Variants in TCF20 observed in about 807,000 individuals in gnomAD.
The protein encoded by TCF20 is transcription factor 20, also known as SPRE-binding protein.
A neutral mutation model predicts 148.6 loss-of-function variants in TCF20; 3 were observed. The observed-to-expected ratio is 0.02, with a 90% CI of 0.01 to 0.05. The LOEUF is 0.05. Among genes scored for constraint, TCF20 ranks in the 10% least tolerant of loss-of-function variants. The pLI is 1.00. For missense variants in TCF20, 2,350 were observed against 2,429.3 expected, an observed-to-expected ratio of 0.97 and a Z score of 0.69; for synonymous variants, 1,049 against 909.5, an observed-to-expected ratio of 1.15 and a Z score of -2.76.
rs550337393 is a variant in TCF20 at position 42,256,080 on chromosome 22, A to T, written c.-37+14259T>A. Among the ~76,000 whole-genome samples the T allele has an allele frequency of 6.6e-5, 10 of 152,170 alleles. No homozygotes were observed. The South Asian group carries it at 2.1e-3, about 32-fold the overall frequency. The stretch of plus-strand genomic sequence containing the variant: ...GTCTCTCTCTCTCGTCCATCCTTCA[A>T]GGTCTACCCAAATGCTCCCTCCTCT... On this transcript the variant is annotated intron_variant, in intron 1 of 5. Transcript: ENST00000677622.
chr22:42,286,054 C>T (rs1927025783), upstream of TCF20, among the ~76,000 whole-genome samples: 2 of 152,108 alleles, frequency 1.3e-5, no homozygotes, highest in African/African-American at 4.8e-5. Context: ...CCAACTCACT[C>T]ACTGGGTGAC....
intron 2 of TCF20, among the ~76,000 whole-genome samples, chr22:42,187,990 C>A (rs992292968): frequency 6.6e-6 from 1 of 152,010 alleles, no homozygotes; most frequent in Non-Finnish European, 1.5e-5. Flanking sequence ...GCCATTGTTG[C>A]TTTAAAAAAT....
intron 3 of TCF20, among the ~76,000 whole-genome samples, chr22:42,170,635 A>AG (rs1936077712): frequency 3.4e-5 from 2 of 59,088 alleles, no homozygotes; most frequent in Non-Finnish European, 9.6e-5. Context: ...TCAAAAAAAA[A>AG]AAAAAAAAAA....
chr22:42,285,117 C>G (rs1024271077), upstream of TCF20, among the ~76,000 whole-genome samples: 2 of 152,242 alleles, frequency 1.3e-5, no homozygotes, highest in Non-Finnish European at 2.9e-5. This position sits in a 1 kb window ranked among gnomAD's most constrained non-coding sequence, Gnocchi z 4.2. Context: ...CCCAGGGCCC[C>G]TCCAGGCCCT....
intron 2 of TCF20, among the ~76,000 whole-genome samples, chr22:42,185,416 G>A (rs923178216): frequency 1.3e-5 from 2 of 152,212 alleles, no homozygotes; most frequent in Admixed American, 6.5e-5. Context: ...ACAAACTTGA[G>A]AGCCTGAAGA....
At chr22:42,227,569 C>A (rs1923027470) in intron 1 of TCF20, among the ~76,000 whole-genome samples, 1 of 152,296 alleles carries the variant, frequency 6.6e-6, no homozygotes, top group African/African-American at 2.4e-5. Context: ...AATCCATAGA[C>A]CCCATTTGAA....
chr22:42,237,876 T>C (rs1924022507), intron 1 of TCF20, among the ~76,000 whole-genome samples: 1 of 152,222 alleles, frequency 6.6e-6, no homozygotes, highest in South Asian at 2.1e-4. Context: ...TAAACAGATG[T>C]GCTGTCATCT....
intron 1 of TCF20, among the ~76,000 whole-genome samples, chr22:42,225,265 C>T (rs187329447): frequency 7.2e-5 from 11 of 151,942 alleles, no homozygotes; most frequent in Admixed American, 3.9e-4. Flanking sequence ...CAAAGTGCTG[C>T]GATTACAGGG....
At chr22:42,314,451 C>T (rs564748612) in intron 1 of TCF20, among the ~76,000 whole-genome samples, 36 of 152,358 alleles carry the variant, frequency 2.4e-4, no homozygotes, top group Non-Finnish European at 2.6e-4. Context: ...AGCTTGAATC[C>T]CAGGCATCGA....
At position 42,269,988 on chromosome 22, in the gene TCF20, C is replaced by T. The variant is rs182924762; in HGVS notation, c.-37+351G>A. 6.2e-4 allele frequency: 94 copies of T among 152,466 alleles called. No individual in the cohort carries two copies. In the Middle Eastern group the frequency reaches 0.014, roughly 22 times the overall value. The allele number at this position is 152,466 out of a possible 1,614,324, so 9.4% of individuals were successfully genotyped here. A position where few individuals can be genotyped will look rare whatever the true frequency, so the allele number is the denominator to read the frequency against. On this transcript the variant is annotated intron_variant, in intron 1 of 5. Transcript: ENST00000677622. ...ACTCCCGGACGCCGCCCGCTCACAC[C>T]CGCCGCCTTTGCACCCAAGGCCTCG...
At position 42,290,949 on chromosome 22, in the gene TCF20, G is replaced by C. The variant is rs1012133413; in HGVS notation, c.-37+52530C>G. Among the ~76,000 whole-genome samples the C allele has an allele frequency of 6.6e-6, 1 of 152,166 alleles. No individual in the cohort carries two copies. The highest frequency in any genetic ancestry group is 1.5e-5 in the Non-Finnish European group (1 of 68,030). Reference sequence around the variant, plus strand: ...GTACAACCTCAGTACAACCATGAGAGGCAGCTTGAAAATGCCCATTTACAA... The same window carrying C: ...GTACAACCTCAGTACAACCATGAGACGCAGCTTGAAAATGCCCATTTACAA... On this transcript the variant is annotated intron_variant, in intron 1 of 1. Coordinates refer to the TCF20 transcript ENST00000515426. The surrounding 1 kb of genome is among the most constrained non-coding windows in gnomAD (Gnocchi z 4.2).
intron 1 of TCF20, among the ~76,000 whole-genome samples, chr22:42,269,375 C>A (rs538316436): frequency 6.6e-6 from 1 of 152,282 alleles, no homozygotes; most frequent in East Asian, 1.9e-4. Context: ...GGATTGAATA[C>A]AGACCAGCAG....
At chr22:42,282,245 G>A (rs1926917720) in intron 1 of TCF20, among the ~76,000 whole-genome samples, 1 of 152,182 alleles carries the variant, frequency 6.6e-6, no homozygotes. Flanking sequence ...CTGAGCTACG[G>A]CCTGGCCCTG....
chr22:42,294,496 G>C (rs990546205), intron 1 of TCF20, among the ~76,000 whole-genome samples: 1 of 152,210 alleles, frequency 6.6e-6, no homozygotes, highest in East Asian at 1.9e-4. Flanking sequence ...CTGGCAGGCA[G>C]TGCTCCCAGG....
intron 2 of TCF20, among the ~76,000 whole-genome samples, chr22:42,195,500 CTTT>C (rs897311922): frequency 1.1e-3 from 156 of 141,668 alleles, no homozygotes; most frequent in African/African-American, 3.6e-3. Flanking sequence ...ATATTACATA[CTTT>C]TTTTTTTTTT....
chr22:42,289,307 G>A (rs558006827), intron 1 of TCF20, among the ~76,000 whole-genome samples: 68 of 152,172 alleles, frequency 4.5e-4, no homozygotes, highest in African/African-American at 1.5e-3. Flanking sequence ...ACATCCCACC[G>A]ACACACTCTG....
chr22:42,269,134 T>A (rs1461034154), intron 1 of TCF20, among the ~76,000 whole-genome samples: 1 of 152,044 alleles, frequency 6.6e-6, no homozygotes, highest in Non-Finnish European at 1.5e-5. Flanking sequence ...AGCTTCCCCA[T>A]CCACCTAACT....
upstream of TCF20, among the ~76,000 whole-genome samples, chr22:42,273,043 CAT>C (rs1238134121): frequency 6.6e-6 from 1 of 151,972 alleles, no homozygotes; most frequent in Non-Finnish European, 1.5e-5. Flanking sequence ...TTACCTCACT[CAT>C]AAGGTGTTGT....
Position 42,278,528 on chromosome 22 carries a change from C to G in TCF20, c.-37+5299G>C, listed in dbSNP as rs1029796303. The G allele has an allele frequency of 3.9e-5, 6 of 152,256 alleles. No individual in the cohort carries two copies. In the South Asian group the frequency reaches 8.3e-4, roughly 21 times the overall value. 9.4% of individuals were successfully genotyped at this position (152,256 alleles called of 1,614,324 possible). Reference sequence around the variant, plus strand: ...AACACACCAACTCTCAGAGGCTGTTCCCCCTGCGCGGCAGATCCAGACGCT... The same window carrying G: ...AACACACCAACTCTCAGAGGCTGTTGCCCCTGCGCGGCAGATCCAGACGCT... On this transcript the variant is annotated intron_variant, in intron 1 of 5. Transcript: ENST00000359486.
Sources: gnomAD v4.1 joint callset for allele counts (sites outside exome capture counted in the v4.1 genomes callset) on GRCh38, gnomAD v4.1.1 for gene constraint, Gnocchi (gnomAD v3.1) non-coding constraint, MANE v1.5 for transcripts, NCBI Gene and HGNC (gene_info 2026-07-23, HGNC 2026-07-21) for gene names.